Variants in MCM5 observed in about 807,000 individuals in gnomAD.
MCM5 encodes DNA replication licensing factor MCM5.
In MCM5, 46 loss-of-function variants were observed where a neutral mutation model predicts 79.9. The observed-to-expected ratio is 0.58, with a 90% CI of 0.45 to 0.74. The LOEUF is 0.74. Ranked by LOEUF, MCM5 falls within the 30% of genes least tolerant of loss-of-function variation. The pLI, the probability that MCM5 is intolerant of heterozygous loss-of-function variation, is 0.00. For synonymous variants in MCM5, 404 were observed against 390.5 expected (o/e 1.03, Z -0.41); for missense variants, 883 against 1,017.0 (o/e 0.87, Z 1.79).
chr22:35,418,682 T>C (rs1040479818), intron 13 of MCM5, among the ~76,000 whole-genome samples: 1 of 122,664 alleles, frequency 8.2e-6, no homozygotes, highest in African/African-American at 3.8e-5. Context: ...TATATATATA[T>C]GTGTACACAC....
At chr22:35,412,051 A>G (rs533376086) in intron 7 of MCM5, among the ~76,000 whole-genome samples, 3 of 152,114 alleles carry the variant, frequency 2.0e-5, no homozygotes, top group Non-Finnish European at 4.4e-5. Context: ...AAACGTGTCC[A>G]GGATCTGACC....
the MCM5 span, among the ~76,000 whole-genome samples, chr22:35,436,607 C>G: frequency 6.6e-6 from 1 of 152,174 alleles, no homozygotes; most frequent in Non-Finnish European, 1.5e-5. Context: ...TGGCTTCGTG[C>G]CCTCTCCCCC....
At chr22:35,441,128 T>C in the MCM5 span, among the ~76,000 whole-genome samples, 1 of 151,108 alleles carries the variant, frequency 6.6e-6, no homozygotes, top group South Asian at 2.1e-4. Flanking sequence ...AGGTGGGCCC[T>C]GCGCAGGAAT....
chr22:35,449,373 C>G, the MCM5 span, among the ~76,000 whole-genome samples: 1 of 151,834 alleles, frequency 6.6e-6, no homozygotes, highest in Admixed American at 6.6e-5. Flanking sequence ...CACTTAAGTC[C>G]ATGCTGAGTA....
At chr22:35,408,228 A>T (rs763427256) in intron 5 of MCM5, among the ~76,000 whole-genome samples, 180 bp from the exon 6 acceptor site, 15 of 152,192 alleles carry the variant, frequency 9.9e-5, no homozygotes, top group Non-Finnish European at 2.2e-4. Context: ...TAGGTCCGTC[A>T]GTGTTGCCTT....
the MCM5 span, among the ~76,000 whole-genome samples, chr22:35,454,379 C>T: frequency 1.3e-5 from 2 of 152,186 alleles, no homozygotes; most frequent in South Asian, 2.1e-4. Flanking sequence ...GAGCATCCTC[C>T]GAGCACCTCC....
In MCM5 at chr22:35,424,181, G is replaced by A. The variant is rs759926365; in HGVS notation, c.2131G>A (p.Val711Met). The change falls in exon 17 of 17, where the codon GTG (valine) becomes ATG (methionine). Residue 711 changes from valine (V) to methionine (M), a missense_variant. Val to Met is a conservative substitution (Grantham distance 21, BLOSUM62 1). Transcript: ENST00000216122. ...QKYPEHAIHK[V>M]LQLMLRRGEI... ...ATACCCGGAGCACGCCATCCACAAGGTGCTGCAGCTCATGCTGCGGCGCGG... is the reference window on the plus strand; with the variant it reads ...ATACCCGGAGCACGCCATCCACAAGATGCTGCAGCTCATGCTGCGGCGCGG... 4 of 1,552,512 alleles carry A rather than the reference G, an allele frequency of 2.6e-6. No individual in the cohort carries two copies. Among genetic ancestry groups the A allele is most frequent in the Middle Eastern group, 1.7e-4 (1 of 5,990 alleles).
chr22:35,406,594 C>A lies in MCM5; in HGVS notation c.465C>A (p.Ile155=). ...ACCTGGTGAAGATCCCTGGCATCAT[C>A]ATCGCGGCCTCTGCGGTCCGTGCCA... ...MSHLVKIPGI[I]IAASAVRAKA... Residue 155 remains isoleucine (I), a synonymous_variant, in exon 5 of 17, where the codon ATC becomes ATA. Coordinates refer to ENST00000216122, the MANE Select transcript of MCM5 (RefSeq NM_006739.4). 1 of 1,613,878 alleles carries A rather than the reference C, an allele frequency of 6.2e-7. No individual in the cohort carries two copies. The highest frequency in any genetic ancestry group is 2.2e-5 in the East Asian group (1 of 44,882).
At chr22:35,435,973 C>T in the MCM5 span, among the ~76,000 whole-genome samples, 3 of 151,962 alleles carry the variant, frequency 2.0e-5, no homozygotes, top group Non-Finnish European at 4.4e-5. Context: ...TCAAGACCAG[C>T]CTGATCAACA....
At chr22:35,450,486 G>A in the MCM5 span, among the ~76,000 whole-genome samples, 1 of 152,118 alleles carries the variant, frequency 6.6e-6, no homozygotes, top group Non-Finnish European at 1.5e-5. Flanking sequence ...TCTCTAAGTG[G>A]GTGAGGACTC....
rs543909480 is a variant in MCM5 at position 35,411,017 on chromosome 22, T to C, written c.919+107T>C. ...CATGAGGTAGCCCAGGATGTCCTTG[T>C]GTTGCTCATATCATTAGAACGTTCA... On this transcript the variant is annotated intron_variant, in intron 7 of 16. Transcript: ENST00000216122. 4.2e-5 allele frequency: 42 copies of C among 992,328 alleles called. No individual in the cohort carries two copies. The African/African-American group carries it at 6.2e-4, about 15-fold the overall frequency. 61.5% of individuals were successfully genotyped at this position (992,328 alleles called of 1,614,324 possible). A position where few individuals can be genotyped will look rare whatever the true frequency, so the allele number is the denominator to read the frequency against.
At chr22:35,452,691 TG>T in the MCM5 span, among the ~76,000 whole-genome samples, 2 of 152,170 alleles carry the variant, frequency 1.3e-5, no homozygotes, top group Non-Finnish European at 2.9e-5. Flanking sequence ...TGGTTAGCCC[TG>T]TGTGTGAGTT....
the MCM5 span, among the ~76,000 whole-genome samples, chr22:35,434,357 AGGCCCCATGG>A: frequency 6.6e-6 from 1 of 152,094 alleles, no homozygotes; most frequent in Non-Finnish European, 1.5e-5. Context: ...GTGTGGGACA[AGGCCCCATGG>A]AAGTCCCAAG....
chr22:35,434,184 C>T, the MCM5 span, among the ~76,000 whole-genome samples: 4 of 152,212 alleles, frequency 2.6e-5, no homozygotes, highest in Admixed American at 2.6e-4. Flanking sequence ...AGGCAGGAGC[C>T]CTGGCATCTT....
At chr22:35,409,595 T>A (rs982282960) in intron 6 of MCM5, 8 of 152,118 alleles carry the variant, frequency 5.3e-5, no homozygotes, top group African/African-American at 1.9e-4. Context: ...CAAAAAAGAT[T>A]CTACTGAGGG....
chr22:35,416,155 A>T (rs1158576719), intron 10 of MCM5, among the ~76,000 whole-genome samples, 183 bp downstream of exon 10: 1 of 152,112 alleles, frequency 6.6e-6, no homozygotes, highest in Non-Finnish European at 1.5e-5. Flanking sequence ...ATATCTGAAG[A>T]GTGGGGAGAA....
Position 35,408,537 on chromosome 22 carries a change from C to T in MCM5, c.726C>T (p.Pro242=). ...LPDAVPHGEM[P]RHMQLYCDRY... ...ATGCAGTCCCCCACGGGGAGATGCCCAGACACATGCAGCTCTACTGCGACA... is the reference window on the plus strand; with the variant it reads ...ATGCAGTCCCCCACGGGGAGATGCCTAGACACATGCAGCTCTACTGCGACA... The change falls in exon 6 of 17, where the codon CCC becomes CCT. Residue 242 remains proline (P), a synonymous_variant. Transcript: ENST00000216122. The T allele has an allele frequency of 1.2e-6, 2 of 1,613,312 alleles. No homozygotes were observed. The highest frequency in any genetic ancestry group is 1.7e-6 in the Non-Finnish European group (2 of 1,179,346).
the MCM5 span, among the ~76,000 whole-genome samples, chr22:35,451,339 C>T: frequency 2.6e-5 from 4 of 152,246 alleles, no homozygotes; most frequent in East Asian, 1.9e-4. Context: ...TCAAACTTTG[C>T]GGGTCTCAGT....
At chr22:35,433,857 G>C in the MCM5 span, among the ~76,000 whole-genome samples, 1 of 152,178 alleles carries the variant, frequency 6.6e-6, no homozygotes, top group South Asian at 2.1e-4. Context: ...AGCCCTGTCG[G>C]GGGCAGCCAC....
Sources: gnomAD v4.1 joint callset for allele counts (sites outside exome capture counted in the v4.1 genomes callset) on GRCh38, gnomAD v4.1.1 for gene constraint, MANE v1.5 for transcripts, NCBI Gene and HGNC (gene_info 2026-07-23, HGNC 2026-07-21) for gene names.